AKAP9: variants seen among roughly 807,000 people sequenced by gnomAD.
AKAP9 encodes A-kinase anchor protein 9.
A neutral mutation model predicts 488.5 loss-of-function variants in AKAP9; 311 were observed. The observed-to-expected ratio is 0.64, with a 90% CI of 0.58 to 0.70. The LOEUF (loss-of-function observed/expected upper bound fraction) is 0.70. Ranked by LOEUF, AKAP9 falls within the 30% of genes least tolerant of loss-of-function variation. The pLI is 0.00. For missense variants in AKAP9, 4,215 were observed against 4,374.5 expected (o/e 0.96, Z 1.03); for synonymous variants, 1,462 against 1,483.5 (o/e 0.99, Z 0.33).
chr7:91,951,294 T>G (rs1260629578), intron 1 of AKAP9, among the ~76,000 whole-genome samples: 1 of 151,942 alleles, frequency 6.6e-6, no homozygotes. Context: ...TCACTCTCTT[T>G]CTCTCTATTT....
Position 92,012,508 on chromosome 7 carries a change from A to T in AKAP9, c.3398A>T (p.Glu1133Val). 6.2e-7 allele frequency: 1 copy of T among 1,614,096 alleles called. No homozygotes were observed. Among genetic ancestry groups the T allele is most frequent in the East Asian group, 2.2e-5 (1 of 44,844 alleles). The change falls in exon 9 of 50, where the codon GAA (glutamate) becomes GTA (valine). Residue 1133 changes from glutamate to valine, a missense_variant. Physicochemically the swap from Glu to Val is moderately radical, Grantham distance 121. Around this residue, in one of 5 missense-constraint regions of AKAP9, gnomAD observed 2,361 missense variants for 2,430.0 expected, o/e 0.97. Transcript: ENST00000356239. ...TCAACTCATGTGGATCAGGTTCGTG[A>T]ATATATGGAAAATGAAAAAGATAAA... is the stretch of plus-strand genomic sequence containing the variant. Reference protein sequence around the residue: ...VYSTHVDQVREYMENEKDKAL... With the variant: ...VYSTHVDQVRVYMENEKDKAL...
chr7:92,076,236 G>A (rs1812562923), intron 28 of AKAP9, among the ~76,000 whole-genome samples: 1 of 152,110 alleles, frequency 6.6e-6, no homozygotes, highest in African/African-American at 2.4e-5. Context: ...TCCTCAAAAT[G>A]ATTAAATAAA....
At chr7:92,107,169 A>T in intron 47 of AKAP9, 124 bp from the exon 48 acceptor site, 1 of 953,118 alleles carries the variant, frequency 1.0e-6, no homozygotes, top group Non-Finnish European at 1.6e-6. Flanking sequence ...ATAGAAAATG[A>T]CTATAAATAG....
chr7:92,098,220 AC>A lies in AKAP9; in HGVS notation c.10713+7del, dbSNP rs1263147334. On this transcript the variant is annotated splice_region_variant and intron_variant, in intron 43 of 49. Transcript: ENST00000356239. ...CTGGCCAGCAAGGTGAAGAGGTAAT[AC>A]TTTTTAAAAGTTATTTCTGAAGCAT... 6.4e-7 allele frequency: 1 copy of A among 1,558,148 alleles called. No homozygotes were observed. The highest frequency in any genetic ancestry group is 8.8e-7 in the Non-Finnish European group (1 of 1,130,138).
chr7:91,979,471 C>CA (rs1406344331), intron 2 of AKAP9, among the ~76,000 whole-genome samples: 1 of 152,140 alleles, frequency 6.6e-6, no homozygotes, highest in African/African-American at 2.4e-5. Flanking sequence ...ATGGGAGCTA[C>CA]AATTCAAGAT....
At chr7:91,946,768 A>G (rs549328786) in intron 1 of AKAP9, among the ~76,000 whole-genome samples, 1 of 152,362 alleles carries the variant, frequency 6.6e-6, no homozygotes, top group Admixed American at 6.5e-5. Context: ...AAGTTGAATG[A>G]TAGCTCATGG....
chr7:92,001,435 C>T lies in AKAP9; in HGVS notation c.1518C>T (p.Asn506=). The T allele has an allele frequency of 6.2e-7, 1 of 1,613,764 alleles. No individual in the cohort carries two copies. The highest frequency in any genetic ancestry group is 8.5e-7 in the Non-Finnish European group (1 of 1,179,820). The stretch of plus-strand genomic sequence containing the variant: ...TGAATATAAAATTGCAAGATACTAA[C>T]TCTCAAAAGGAAAAACTCAAGGAAG... ...NELNIKLQDT[N]SQKEKLKEEL... The change falls in exon 8 of 50, where the codon AAC becomes AAT. Residue 506 remains asparagine (N), a synonymous_variant. Coordinates refer to ENST00000356239, the MANE Select transcript of AKAP9 (RefSeq NM_005751.5).
chr7:92,067,247 T>C (rs908819369), intron 26 of AKAP9, among the ~76,000 whole-genome samples: 1 of 152,200 alleles, frequency 6.6e-6, no homozygotes, highest in Non-Finnish European at 1.5e-5. Flanking sequence ...TCTGTGACAT[T>C]TCTGTTAAGT....
chr7:92,103,941 C>A (rs912619197), intron 46 of AKAP9, among the ~76,000 whole-genome samples: 3 of 151,738 alleles, frequency 2.0e-5, no homozygotes, highest in African/African-American at 7.3e-5. Flanking sequence ...TTTTATTGTT[C>A]TTTCTCTAGT....
At chr7:92,017,430 T>C (rs1342232017) in intron 12 of AKAP9, among the ~76,000 whole-genome samples, 3 of 152,132 alleles carry the variant, frequency 2.0e-5, no homozygotes, top group Non-Finnish European at 2.9e-5. Flanking sequence ...AGAAAACTGG[T>C]AATGAGTTTA....
rs938604667 is a variant in AKAP9, at chr7:92,042,774, A to G, written c.5162+3A>G. ...CCTGAGATTTTGTCTAATGAAAGGT[A>G]TACAAAATGTGTACTTTTTCAGTGC... On this transcript the variant is annotated splice_donor_region_variant and intron_variant, in intron 20 of 49. Transcript: ENST00000356239. 1.3e-6 allele frequency: 2 copies of G among 1,584,722 alleles called. No homozygotes were observed. Among genetic ancestry groups the G allele is most frequent in the Non-Finnish European group, 1.7e-6 (2 of 1,154,200 alleles).
intron 1 of AKAP9, among the ~76,000 whole-genome samples, chr7:91,953,603 A>G (rs1792556943): frequency 6.6e-6 from 1 of 152,254 alleles, no homozygotes; most frequent in South Asian, 2.1e-4. Context: ...GAAGTGTTCA[A>G]GAAGTGTCAG....
chr7:92,105,760 C>A lies in AKAP9; in HGVS notation c.11413C>A (p.Gln3805Lys), dbSNP rs756097161. ...NINRDGFGLN[Q>K]GAEKTDSFYH... ...TAACAGAGATGGCTTTGGACTGAATCAAGGTGAAGTCAAAATAGCATATTT... is the reference window on the plus strand; with the variant it reads ...TAACAGAGATGGCTTTGGACTGAATAAAGGTGAAGTCAAAATAGCATATTT... Residue 3805 changes from glutamine to lysine, a missense_variant, in exon 47 of 50, where the codon CAA (glutamine) becomes AAA (lysine). Physicochemically the swap from Gln to Lys is moderately conservative, Grantham distance 53. Coordinates refer to ENST00000356239, the MANE Select transcript of AKAP9 (RefSeq NM_005751.5). 2.5e-6 allele frequency: 4 copies of A among 1,612,736 alleles called. No individual in the cohort carries two copies. The highest frequency in any genetic ancestry group is 1.7e-6 in the Non-Finnish European group (2 of 1,178,856).
chr7:92,033,981 G>A (rs550510048), intron 16 of AKAP9, among the ~76,000 whole-genome samples: 2 of 152,268 alleles, frequency 1.3e-5, no homozygotes, highest in South Asian at 4.1e-4. Context: ...ACATACAGAT[G>A]ATGATAAGTA....
In AKAP9 at chr7:92,066,345, A is replaced by G. The variant is rs370979359; in HGVS notation, c.6211-82A>G. ...CTTTGTCTTCAAACAAAACTAACAT[A>G]TCTCTAAAGGAGAAGTAAGAAATAA... On this transcript the variant is annotated intron_variant, in intron 25 of 49. Transcript: ENST00000356239. 2.8e-5 allele frequency: 43 copies of G among 1,535,806 alleles called. No individual in the cohort carries two copies. In the African/African-American group the frequency reaches 4.4e-4, roughly 16 times the overall value.
chr7:92,101,151 T>A, intron 45 of AKAP9, 95 bp downstream of exon 45: 2 of 1,275,136 alleles, frequency 1.6e-6, no homozygotes, highest in Non-Finnish European at 2.1e-6. Flanking sequence ...CTAAAGAAAT[T>A]TAGGGCCTGG....
chr7:91,958,084 T>C (rs1793278529), intron 1 of AKAP9, among the ~76,000 whole-genome samples: 1 of 152,226 alleles, frequency 6.6e-6, no homozygotes, highest in Admixed American at 6.5e-5. Flanking sequence ...GTTTATTACA[T>C]GCCTGGTTTC....
At chr7:92,000,813 A>G in intron 7 of AKAP9, 35 bp from the exon 8 acceptor site, 3 of 1,158,768 alleles carry the variant, frequency 2.6e-6, no homozygotes, top group Non-Finnish European at 3.6e-6. Context: ...GAAGCTAAAA[A>G]TGCCATTCTT....
intron 14 of AKAP9, among the ~76,000 whole-genome samples, chr7:92,023,520 C>T (rs1181182768): frequency 6.6e-6 from 1 of 152,148 alleles, no homozygotes; most frequent in African/African-American, 2.4e-5. Flanking sequence ...CTCTTCTAGT[C>T]TATCAAGACG....
Sources: allele counts gnomAD v4.1 joint callset (sites outside exome capture counted in the v4.1 genomes callset), GRCh38; gene constraint gnomAD v4.1.1; regional missense constraint gnomAD v4.1.1; transcripts MANE v1.5; gene names NCBI Gene and HGNC (gene_info 2026-07-23, HGNC 2026-07-21).